Variants in KCNA6 observed in about 807,000 individuals in gnomAD.
KCNA6 encodes potassium voltage-gated channel subfamily A member 6, also known as human brain potassium channel-2.
In KCNA6, 17 loss-of-function variants were observed where a neutral mutation model predicts 29.5. The ratio of observed to expected loss-of-function variants is 0.58; its 90% confidence interval spans 0.39 to 0.86. The LOEUF is 0.86. Ranked by LOEUF, KCNA6 falls within the 40% of genes least tolerant of loss-of-function variation. KCNA6 has a pLI of 0.00. For synonymous variants in KCNA6, 296 were observed against 304.7 expected (o/e 0.97, Z 0.30); for missense variants, 450 against 703.4 (o/e 0.64, Z 4.07).
At chr12:4,845,124 C>G in the KCNA6 span, among the ~76,000 whole-genome samples, 1 of 152,162 alleles carries the variant, frequency 6.6e-6, no homozygotes, top group Non-Finnish European at 1.5e-5. Flanking sequence ...AATCTTTTTC[C>G]TTCCCTTCTA....
the KCNA6 span, among the ~76,000 whole-genome samples, chr12:4,843,761 T>C: frequency 6.6e-6 from 1 of 152,078 alleles, no homozygotes; most frequent in Non-Finnish European, 1.5e-5. Context: ...AGGTGGGCAG[T>C]GCCACATACT....
chr12:4,847,658 GT>G, the KCNA6 span, among the ~76,000 whole-genome samples: 1 of 151,936 alleles, frequency 6.6e-6, no homozygotes, highest in Non-Finnish European at 1.5e-5. Context: ...TATGTCTGAA[GT>G]TTTTTTCTTG....
At chr12:4,817,085 C>T (rs1156960902), downstream of KCNA6, among the ~76,000 whole-genome samples, 1 of 152,228 alleles carries the variant, frequency 6.6e-6, no homozygotes, top group Non-Finnish European at 1.5e-5. Context: ...GAGCTGCCAT[C>T]CTGGCTCACA....
At chr12:4,834,002 C>G in the KCNA6 span, among the ~76,000 whole-genome samples, 1,468 of 150,924 alleles carry the variant, frequency 9.7e-3, 26 homozygotes, top group African/African-American at 0.033. Flanking sequence ...GATCATGACT[C>G]TCTGTAGCCT....
chr12:4,811,951 A>C lies in KCNA6; in HGVS notation c.*320A>C. On this transcript the variant is annotated 3_prime_UTR_variant, in exon 1 of 1. Coordinates refer to ENST00000280684, the Ensembl canonical transcript of KCNA6. The surrounding 1 kb of genome is among the most constrained non-coding windows in gnomAD (Gnocchi z 7.1). ...CTGATTTTTCATGTCTGGGACTTACAATATCTCAAGGAACAGCAATGTCAA... is the reference window on the plus strand; with the variant it reads ...CTGATTTTTCATGTCTGGGACTTACCATATCTCAAGGAACAGCAATGTCAA... 3.3e-6 allele frequency: 1 copy of C among 306,622 alleles called. No individual in the cohort carries two copies. The highest frequency in any genetic ancestry group is 6.4e-6 in the Non-Finnish European group (1 of 156,170). The allele number at this position is 306,622 out of a possible 1,614,324, so 19.0% of individuals were successfully genotyped here.
At chr12:4,833,710 T>C in the KCNA6 span, among the ~76,000 whole-genome samples, 1 of 151,992 alleles carries the variant, frequency 6.6e-6, no homozygotes, top group Non-Finnish European at 1.5e-5. Flanking sequence ...CACACAACAG[T>C]GTGTGAAGGC....
chr12:4,810,090 G>C lies in KCNA6; in HGVS notation c.49G>C (p.Gly17Arg). The C allele has an allele frequency of 6.4e-7, 1 of 1,561,386 alleles. No individual in the cohort carries two copies. Among genetic ancestry groups the C allele is most frequent in the Non-Finnish European group, 8.6e-7 (1 of 1,156,080 alleles). The change falls in exon 1 of 1, where the codon GGG (glycine) becomes CGG (arginine). Residue 17 changes from glycine (G) to arginine (R), a missense_variant. This residue lies in a region of KCNA6 where 72 missense variants were observed against 64.2 expected (regional missense o/e 1.12). Transcript: ENST00000280684. The surrounding 1 kb of genome is among the most constrained non-coding windows in gnomAD (Gnocchi z 7.5). ...GCTGGCGGCGCCGGGGGAGGTCCGT[G>C]GGCCGGAGGGAGAGCAACAGGATGC...
the KCNA6 span, among the ~76,000 whole-genome samples, chr12:4,827,198 TTCCTTCCC>T: frequency 7.8e-5 from 6 of 76,916 alleles, no homozygotes; most frequent in African/African-American, 2.7e-4. Flanking sequence ...CCTTCCTTCC[TTCCTTCCC>T]TCCTTCCTTC....
the KCNA6 span, among the ~76,000 whole-genome samples, chr12:4,822,855 C>T: frequency 2.6e-5 from 4 of 152,174 alleles, no homozygotes; most frequent in African/African-American, 7.2e-5. Context: ...ATGGCCGTGC[C>T]CGGATTCGAT....
the KCNA6 span, among the ~76,000 whole-genome samples, chr12:4,837,982 C>T: frequency 4.6e-5 from 7 of 152,118 alleles, no homozygotes; most frequent in African/African-American, 1.4e-4. Flanking sequence ...CTGCAGAGAC[C>T]GCTCTCCAAG....
the KCNA6 span, among the ~76,000 whole-genome samples, chr12:4,827,205 C>CCTCCTTCCTTCCTT: frequency 2.6e-5 from 1 of 39,054 alleles, no homozygotes; most frequent in African/African-American, 1.1e-4. Flanking sequence ...TCCTTCCTTC[C>CCTCCTTCCTTCCTT]CTCCTTCCTT....
chr12:4,812,991 C>T (rs992064062), exon 1 of KCNA6: 5 of 167,106 alleles, frequency 3.0e-5, no homozygotes, highest in African/African-American at 9.6e-5. Flanking sequence ...TTCTCAGTAA[C>T]ATTGCCATTT....
the KCNA6 span, among the ~76,000 whole-genome samples, chr12:4,827,653 C>T: frequency 6.6e-6 from 1 of 152,200 alleles, no homozygotes; most frequent in Non-Finnish European, 1.5e-5. Context: ...GGCAGGCATT[C>T]GATTGTAGTG....
At chr12:4,850,433 CAG>C in the KCNA6 span, among the ~76,000 whole-genome samples, 2 of 152,170 alleles carry the variant, frequency 1.3e-5, no homozygotes, top group East Asian at 3.9e-4. This position sits in a 1 kb window ranked among gnomAD's most constrained non-coding sequence, Gnocchi z 5.4. Context: ...TAGAGGGACT[CAG>C]GGGCCATTAA....
chr12:4,836,116 T>TG, the KCNA6 span, among the ~76,000 whole-genome samples: 334 of 151,108 alleles, frequency 2.2e-3, 4 homozygotes, highest in African/African-American at 7.7e-3. Flanking sequence ...TTTTTTTTTT[T>TG]TTTTTGTATT....
the KCNA6 span, among the ~76,000 whole-genome samples, chr12:4,840,032 G>C: frequency 6.6e-6 from 1 of 152,048 alleles, no homozygotes; most frequent in Non-Finnish European, 1.5e-5. Flanking sequence ...CTTCCATCAT[G>C]AAAAGTTATA....
Position 4,810,201 on chromosome 12 carries a change from A to C in KCNA6, c.160A>C (p.Thr54Pro). Residue 54 changes from threonine (T) to proline (P), a missense_variant, in exon 1 of 1, where the codon ACA becomes CCA. Physicochemically the swap from Thr to Pro is conservative, Grantham distance 38 (BLOSUM62 -1). Transcript: ENST00000280684. This position sits in a 1 kb window ranked among gnomAD's most constrained non-coding sequence, Gnocchi z 7.5. ...CAATATCTCCGGGCTGCGCTTTGAG[A>C]CACAATTGCGCACCCTGTCGCTGTT... 1 of 1,613,304 alleles carries C rather than the reference A, an allele frequency of 6.2e-7. No homozygotes were observed. The highest frequency in any genetic ancestry group is 8.5e-7 in the Non-Finnish European group (1 of 1,179,908).
chr12:4,825,585 T>C, the KCNA6 span, among the ~76,000 whole-genome samples: 4 of 152,334 alleles, frequency 2.6e-5, no homozygotes, highest in African/African-American at 9.6e-5. Flanking sequence ...GTTTTTTCAG[T>C]TGGACCATTC....
the KCNA6 span, among the ~76,000 whole-genome samples, chr12:4,835,149 T>C: frequency 6.9e-6 from 1 of 145,760 alleles, no homozygotes; most frequent in Non-Finnish European, 1.5e-5. Flanking sequence ...TTTTTTTTTT[T>C]TTTGAGACAG....
Sources: gnomAD v4.1 joint callset for allele counts (sites outside exome capture counted in the v4.1 genomes callset) on GRCh38, gnomAD v4.1.1 for gene constraint, gnomAD v4.1.1 regional missense constraint, Gnocchi (gnomAD v3.1) non-coding constraint, MANE v1.5 for transcripts, NCBI Gene and HGNC (gene_info 2026-07-23, HGNC 2026-07-21) for gene names.